SSH2: variants seen among roughly 807,000 people sequenced by gnomAD.
The protein encoded by SSH2 is slingshot protein phosphatase 2.
In SSH2, 37 loss-of-function variants were observed where a neutral mutation model predicts 135.2. The ratio of observed to expected loss-of-function variants is 0.27; its 90% CI spans 0.21 to 0.36. The LOEUF (loss-of-function observed/expected upper bound fraction) is 0.36, where lower values mean the gene tolerates loss of function less well. Ranked by LOEUF, SSH2 falls within the 10% of genes least tolerant of loss-of-function variation. The pLI is 1.00. For missense variants in SSH2, 1,408 were observed against 1,765.3 expected, an observed-to-expected ratio of 0.80 and a Z score of 3.63; for synonymous variants, 628 against 646.2, an observed-to-expected ratio of 0.97 and a Z score of 0.43.
intron 3 of SSH2, among the ~76,000 whole-genome samples, chr17:29,742,749 C>T (rs974873640): frequency 2.7e-5 from 4 of 145,692 alleles, no homozygotes; most frequent in African/African-American, 7.7e-5. Context: ...ATTCTCCTGC[C>T]TCAGCCTCCC....
chr17:29,865,296 A>G (rs1385970505), intron 1 of SSH2, among the ~76,000 whole-genome samples: 1 of 152,236 alleles, frequency 6.6e-6, no homozygotes, highest in African/African-American at 2.4e-5. Flanking sequence ...GTGGAGAGAT[A>G]ACATTTATTT....
At chr17:29,903,356 G>T (rs2066596353) in intron 1 of SSH2, among the ~76,000 whole-genome samples, 1 of 149,178 alleles carries the variant, frequency 6.7e-6, no homozygotes, top group Non-Finnish European at 1.5e-5. Context: ...TTTTAAAAGT[G>T]TTCCCTTCAA....
intron 1 of SSH2, chr17:29,863,341 T>A (rs1032353868): frequency 6.6e-6 from 1 of 152,286 alleles, no homozygotes; most frequent in African/African-American, 2.4e-5. Flanking sequence ...AGTCCAGTAC[T>A]CAGGCTAACA....
At chr17:29,861,472 C>T (rs1342845281) in intron 1 of SSH2, among the ~76,000 whole-genome samples, 2 of 152,058 alleles carry the variant, frequency 1.3e-5, no homozygotes, top group East Asian at 3.8e-4. Flanking sequence ...CTTAATTTCT[C>T]GTTTACTATG....
intron 3 of SSH2, among the ~76,000 whole-genome samples, chr17:29,709,046 A>AGAGAGAGC: frequency 6.8e-6 from 1 of 147,948 alleles, no homozygotes; most frequent in Admixed American, 6.8e-5. Context: ...AGAGAGAGAG[A>AGAGAGAGC]GAGAGAGCTA....
chr17:29,734,819 A>C lies in SSH2; in HGVS notation c.189-31757T>G, dbSNP rs527353651. On this transcript the variant is annotated intron_variant, in intron 3 of 15. Coordinates refer to ENST00000540801, the MANE Select transcript of SSH2 (RefSeq NM_001282129.2). ...AATATCTACTCTAAGATTATTAAGA[A>C]GGAGAGGGTATTCAAAGGGCTGCAT... 1.2e-4 allele frequency among the ~76,000 whole-genome samples: 19 copies of C among 152,320 alleles called. 1 individual carries two copies. The South Asian group carries it at 2.7e-3, about 22-fold the overall frequency.
intron 3 of SSH2, among the ~76,000 whole-genome samples, chr17:29,768,128 C>T (rs1190621185): frequency 6.6e-6 from 1 of 151,830 alleles, no homozygotes; most frequent in African/African-American, 2.4e-5. Flanking sequence ...TATACCCTGT[C>T]TTTTACACAT....
Position 29,677,754 on chromosome 17 carries a change from A to T in SSH2, c.480-13T>A. 6.2e-7 allele frequency: 1 copy of T among 1,609,762 alleles called. No individual in the cohort carries two copies. Among genetic ancestry groups the T allele is most frequent in the Non-Finnish European group, 8.5e-7 (1 of 1,175,996 alleles). Reference sequence around the variant, plus strand: ...GGTACAAGTGCTACTGCAAGACAAGAAGTAGTCCAATAGTTACTCCCCATT... The same window carrying T: ...GGTACAAGTGCTACTGCAAGACAAGTAGTAGTCCAATAGTTACTCCCCATT... On this transcript the variant is annotated splice_polypyrimidine_tract_variant and intron_variant, in intron 6 of 15. Transcript: ENST00000540801.
chr17:29,867,998 T>G (rs2065881076), intron 1 of SSH2, among the ~76,000 whole-genome samples: 2 of 152,234 alleles, frequency 1.3e-5, no homozygotes, highest in African/African-American at 4.8e-5. Context: ...CCTCACACTG[T>G]AACAAGGTCA....
chr17:29,741,938 T>C (rs60151729), intron 3 of SSH2, among the ~76,000 whole-genome samples: 5,755 of 142,424 alleles, frequency 0.04, 356 homozygotes, highest in African/African-American at 0.14. Flanking sequence ...TTTTTTCTTT[T>C]TTTTTTTTTT....
intron 1 of SSH2, among the ~76,000 whole-genome samples, chr17:29,855,360 C>T (rs536192560): frequency 2.0e-5 from 3 of 152,260 alleles, no homozygotes; most frequent in Non-Finnish European, 4.4e-5. Context: ...AAAAAATTAG[C>T]TGGGCGTGGT....
intron 1 of SSH2, among the ~76,000 whole-genome samples, chr17:29,927,828 C>T (rs188535103): frequency 1.3e-5 from 2 of 152,276 alleles, no homozygotes; most frequent in African/African-American, 4.8e-5. Context: ...GTATAAACAA[C>T]TGAAATAACC....
chr17:29,674,476 C>T (rs2037623343), intron 8 of SSH2, among the ~76,000 whole-genome samples: 1 of 152,154 alleles, frequency 6.6e-6, no homozygotes, highest in Non-Finnish European at 1.5e-5. Flanking sequence ...AAAATACACT[C>T]AAGGCCTAGC....
intron 5 of SSH2, among the ~76,000 whole-genome samples, chr17:29,686,680 T>C (rs1021534859): frequency 6.6e-6 from 1 of 151,024 alleles, no homozygotes; most frequent in African/African-American, 2.4e-5. Flanking sequence ...TTTCTTTTTG[T>C]TTTTTTGAGA....
At chr17:29,913,347 A>AAAATT in intron 1 of SSH2, among the ~76,000 whole-genome samples, 3 of 28,786 alleles carry the variant, frequency 1.0e-4, no homozygotes, top group East Asian at 2.2e-3. Flanking sequence ...AAAAAAAAAA[A>AAAATT]ATATATATAT....
At chr17:29,863,207 A>G (rs1227961320) in intron 1 of SSH2, among the ~76,000 whole-genome samples, 3 of 152,112 alleles carry the variant, frequency 2.0e-5, no homozygotes, top group Non-Finnish European at 4.4e-5. Flanking sequence ...CCTGGCCTAG[A>G]GCACACAATT....
intron 1 of SSH2, among the ~76,000 whole-genome samples, chr17:29,876,662 C>A (rs896640227): frequency 6.6e-6 from 1 of 151,728 alleles, no homozygotes; most frequent in Non-Finnish European, 1.5e-5. Flanking sequence ...AACTGAATAT[C>A]CATATGCAGA....
At chr17:29,746,292 T>A (rs1369196760) in intron 3 of SSH2, among the ~76,000 whole-genome samples, 1 of 151,986 alleles carries the variant, frequency 6.6e-6, no homozygotes, top group Admixed American at 6.6e-5. Flanking sequence ...ATGCCTGTAA[T>A]CCTAGCACTT....
chr17:29,829,819 C>G (rs948205959), intron 2 of SSH2, among the ~76,000 whole-genome samples: 6 of 150,894 alleles, frequency 4.0e-5, no homozygotes, highest in African/African-American at 1.5e-4. Context: ...TTTTGTTGTC[C>G]AAGAAATAAA....
Sources: gnomAD v4.1 joint callset for allele counts (sites outside exome capture counted in the v4.1 genomes callset) on GRCh38, gnomAD v4.1.1 for gene constraint, MANE v1.5 for transcripts, NCBI Gene and HGNC (gene_info 2026-07-23, HGNC 2026-07-21) for gene names.